The following TASP1 variants were observed in gnomAD, a reference collection of about 807,000 sequenced individuals.
TASP1 encodes the protein threonine aspartase 1.
A neutral mutation model predicts 56.6 loss-of-function variants in TASP1; 16 were observed. That is an observed-to-expected ratio of 0.28 (90% CI 0.19 to 0.43). The LOEUF is 0.43. Among genes scored for constraint, TASP1 ranks in the 20% least tolerant of loss-of-function variants. The probability of loss-of-function intolerance (pLI) is 1.00; values close to 1 mark genes in which losing one functional copy is unlikely to be tolerated. For synonymous variants in TASP1, 179 were observed against 184.2 expected, an observed-to-expected ratio of 0.97 and a Z score of 0.23; for missense variants, 393 against 511.6, an observed-to-expected ratio of 0.77 and a Z score of 2.24.
At chr20:13,467,028 C>T (rs1188244889) in intron 11 of TASP1, among the ~76,000 whole-genome samples, 2 of 151,984 alleles carry the variant, frequency 1.3e-5, no homozygotes, top group Non-Finnish European at 2.9e-5. Context: ...TTTTTCAAGT[C>T]AATTTTCCTA....
the TASP1 span, among the ~76,000 whole-genome samples, chr20:13,266,707 A>T: frequency 3.9e-5 from 6 of 152,364 alleles, no homozygotes; most frequent in African/African-American, 1.4e-4. Flanking sequence ...AAGAATGGTC[A>T]TGATGCTTTC....
the TASP1 span, among the ~76,000 whole-genome samples, chr20:13,268,902 A>G: frequency 2.0e-5 from 3 of 152,184 alleles, no homozygotes; most frequent in Non-Finnish European, 4.4e-5. Context: ...CAACAGAGCA[A>G]GACCCTGTCT....
the TASP1 span, among the ~76,000 whole-genome samples, chr20:13,312,025 A>ACCAT: frequency 1.3e-5 from 2 of 152,076 alleles, no homozygotes; most frequent in Admixed American, 6.5e-5. Context: ...CACATTGTAC[A>ACCAT]CCATAAATAT....
the TASP1 span, among the ~76,000 whole-genome samples, chr20:13,373,200 T>C: frequency 6.6e-6 from 1 of 152,114 alleles, no homozygotes; most frequent in Admixed American, 6.5e-5. Flanking sequence ...TAAGTGGTTG[T>C]TGTCAAGTAC....
chr20:13,124,311 G>T, the TASP1 span, among the ~76,000 whole-genome samples: 1 of 151,962 alleles, frequency 6.6e-6, no homozygotes, highest in African/African-American at 2.4e-5. Context: ...AAGATGGAAG[G>T]GGGGAGGGGG....
chr20:13,353,247 CAAA>C, the TASP1 span, among the ~76,000 whole-genome samples: 15,454 of 111,046 alleles, frequency 0.14, 1,218 homozygotes, highest in African/African-American at 0.25. Context: ...GATTTTGTCT[CAAA>C]AAAAAAAAAA....
chr20:13,343,776 C>T, the TASP1 span, among the ~76,000 whole-genome samples: 1 of 152,198 alleles, frequency 6.6e-6, no homozygotes, highest in Non-Finnish European at 1.5e-5. Context: ...GGCTGCGGGT[C>T]TCCCAGCAGA....
At chr20:13,482,727 T>C (rs186642826) in intron 11 of TASP1, among the ~76,000 whole-genome samples, 3 of 152,316 alleles carry the variant, frequency 2.0e-5, no homozygotes, top group African/African-American at 7.2e-5. Flanking sequence ...GTAAATCACA[T>C]ATGCTATTAA....
chr20:13,292,148 G>T, the TASP1 span, among the ~76,000 whole-genome samples: 1 of 152,132 alleles, frequency 6.6e-6, no homozygotes, highest in East Asian at 1.9e-4. Flanking sequence ...ACTTATTCAG[G>T]CACATTTGGA....
intron 10 of TASP1, 100 bp downstream of exon 10, chr20:13,528,333 C>G: frequency 1.0e-6 from 1 of 976,230 alleles, no homozygotes. Flanking sequence ...CATACACTGT[C>G]ATAGCACATG....
chr20:13,154,173 A>G, the TASP1 span: 2 of 1,610,590 alleles, frequency 1.2e-6, no homozygotes, highest in South Asian at 2.2e-5. Context: ...TCACACCTAA[A>G]CCCCAAGGTG....
At chr20:13,351,061 C>T in the TASP1 span, among the ~76,000 whole-genome samples, 1 of 151,308 alleles carries the variant, frequency 6.6e-6, no homozygotes, top group Non-Finnish European at 1.5e-5. Context: ...ATAAGGATGG[C>T]AAATAAACAT....
At chr20:13,115,177 C>G in the TASP1 span, among the ~76,000 whole-genome samples, 1 of 152,074 alleles carries the variant, frequency 6.6e-6, no homozygotes, top group Non-Finnish European at 1.5e-5. Context: ...CATAGATAGC[C>G]TTTTTATGCA....
chr20:13,344,792 T>A, the TASP1 span, among the ~76,000 whole-genome samples: 2 of 152,178 alleles, frequency 1.3e-5, no homozygotes, highest in African/African-American at 4.8e-5. Context: ...CGCCTCTCCA[T>A]CTGTGTGGGC....
intron 6 of TASP1, among the ~76,000 whole-genome samples, chr20:13,574,676 A>C (rs562765005): frequency 3.9e-5 from 6 of 152,188 alleles, no homozygotes; most frequent in Admixed American, 3.9e-4. Flanking sequence ...TAAAAATAAC[A>C]ATACATAAAG....
the TASP1 span, among the ~76,000 whole-genome samples, chr20:13,302,436 C>T: frequency 2.0e-5 from 3 of 152,162 alleles, no homozygotes; most frequent in African/African-American, 7.2e-5. Flanking sequence ...GAGTGATCTT[C>T]GGAAATCAAG....
the TASP1 span, among the ~76,000 whole-genome samples, chr20:13,137,542 T>G: frequency 6.6e-6 from 1 of 152,172 alleles, no homozygotes; most frequent in Non-Finnish European, 1.5e-5. Flanking sequence ...ATTCTAAAAT[T>G]AAAACTGAGT....
chr20:13,576,342 G>GAAGAAAGGAAGAAAGGAAGA (rs1395310069), intron 6 of TASP1, among the ~76,000 whole-genome samples: 82 of 131,726 alleles, frequency 6.2e-4, no homozygotes, highest in African/African-American at 2.3e-3. Context: ...AGAAAGAAAG[G>GAAGAAAGGAAGAAAGGAAGA]AAGAAAGAAA....
intron 10 of TASP1, among the ~76,000 whole-genome samples, chr20:13,502,190 C>T (rs2146651817): frequency 6.6e-6 from 1 of 152,072 alleles, no homozygotes; most frequent in African/African-American, 2.4e-5. Flanking sequence ...TGCATCATCT[C>T]TTTATTTTGA....
Sources: allele counts gnomAD v4.1 joint callset (sites outside exome capture counted in the v4.1 genomes callset), GRCh38; gene constraint gnomAD v4.1.1; transcripts MANE v1.5; gene names NCBI Gene and HGNC (gene_info 2026-07-23, HGNC 2026-07-21).